The following PPARGC1A variants were observed in gnomAD, a reference collection of about 807,000 sequenced individuals.
PPARGC1A encodes the protein peroxisome proliferator-activated receptor gamma coactivator 1-alpha.
In PPARGC1A, 25 loss-of-function variants were observed where a neutral mutation model predicts 88.7. That is an observed-to-expected ratio of 0.28 (90% CI 0.21 to 0.39). The LOEUF (loss-of-function observed/expected upper bound fraction) is 0.39. Ranked by LOEUF, PPARGC1A falls within the 10% of genes least tolerant of loss-of-function variation. The pLI is 1.00. For synonymous variants in PPARGC1A, 363 were observed against 355.6 expected (o/e 1.02, Z -0.24); for missense variants, 880 against 968.7 (o/e 0.91, Z 1.22).
the PPARGC1A span, among the ~76,000 whole-genome samples, chr4:23,919,722 C>A: frequency 6.6e-6 from 1 of 151,918 alleles, no homozygotes; most frequent in Admixed American, 6.6e-5. Context: ...ATGGCCCTTA[C>A]ACTAATTGGT....
chr4:24,010,151 A>C, the PPARGC1A span, among the ~76,000 whole-genome samples: 3 of 152,192 alleles, frequency 2.0e-5, no homozygotes, highest in Non-Finnish European at 4.4e-5. Flanking sequence ...CTGTGTTCTT[A>C]GGCAAGTCCT....
chr4:24,082,314 C>T, the PPARGC1A span, among the ~76,000 whole-genome samples: 2 of 152,124 alleles, frequency 1.3e-5, no homozygotes, highest in African/African-American at 2.4e-5. Context: ...GGAAGGATGA[C>T]CTATTTTACA....
At chr4:23,956,857 CAA>C in the PPARGC1A span, among the ~76,000 whole-genome samples, 1 of 152,100 alleles carries the variant, frequency 6.6e-6, no homozygotes, top group African/African-American at 2.4e-5. Context: ...ACCATAGCCA[CAA>C]AGTCTTGTTA....
chr4:24,079,877 T>C, the PPARGC1A span, among the ~76,000 whole-genome samples: 1 of 152,048 alleles, frequency 6.6e-6, no homozygotes, highest in South Asian at 2.1e-4. Flanking sequence ...CAATAGTCTG[T>C]CTCTTGGCTC....
the PPARGC1A span, among the ~76,000 whole-genome samples, chr4:24,035,187 C>T: frequency 6.6e-6 from 1 of 152,058 alleles, no homozygotes; most frequent in Non-Finnish European, 1.5e-5. Context: ...GTGTTTATAG[C>T]CCATAAATTA....
the PPARGC1A span, among the ~76,000 whole-genome samples, chr4:24,252,609 T>C: frequency 1.3e-5 from 2 of 152,256 alleles, no homozygotes; most frequent in Non-Finnish European, 2.9e-5. Flanking sequence ...AAGCACATCA[T>C]TTCAGAGCTA....
the PPARGC1A span, among the ~76,000 whole-genome samples, chr4:24,460,307 C>T: frequency 6.6e-6 from 1 of 152,172 alleles, no homozygotes; most frequent in Non-Finnish European, 1.5e-5. Context: ...CTTCTCTTTT[C>T]AGCCGGCGAA....
chr4:24,434,052 C>T, the PPARGC1A span, among the ~76,000 whole-genome samples: 1 of 152,284 alleles, frequency 6.6e-6, no homozygotes, highest in African/African-American at 2.4e-5. Context: ...CCACGTTGCC[C>T]TGAATTCTTT....
the PPARGC1A span, among the ~76,000 whole-genome samples, chr4:23,918,558 T>G: frequency 4.5e-4 from 68 of 152,238 alleles, no homozygotes; most frequent in South Asian, 0.013. Context: ...ACATAAACAT[T>G]TTGGGTCTCT....
the PPARGC1A span, among the ~76,000 whole-genome samples, chr4:24,139,283 G>A: frequency 6.6e-6 from 1 of 151,990 alleles, no homozygotes; most frequent in Non-Finnish European, 1.5e-5. Flanking sequence ...ACAGGCACCT[G>A]CCACACGCCC....
At chr4:24,437,619 T>TTGC in the PPARGC1A span, among the ~76,000 whole-genome samples, 1 of 151,894 alleles carries the variant, frequency 6.6e-6, no homozygotes, top group South Asian at 2.1e-4. Flanking sequence ...GTTGTTGTTG[T>TTGC]TGTTGTTGTT....
chr4:24,136,729 G>A, the PPARGC1A span, among the ~76,000 whole-genome samples: 1 of 152,236 alleles, frequency 6.6e-6, no homozygotes. Context: ...GTCATGAACT[G>A]AACTGTGTCC....
chr4:24,286,347 C>G, the PPARGC1A span, among the ~76,000 whole-genome samples: 2 of 152,150 alleles, frequency 1.3e-5, no homozygotes, highest in African/African-American at 4.8e-5. Context: ...CAACCACTTC[C>G]CATGATAGGG....
At chr4:24,359,749 C>T in the PPARGC1A span, among the ~76,000 whole-genome samples, 11 of 152,138 alleles carry the variant, frequency 7.2e-5, no homozygotes, top group African/African-American at 2.7e-4. Context: ...TGGAAGGATT[C>T]TTCTACAAGC....
At chr4:23,885,697 G>A (rs1329391767) in intron 1 of PPARGC1A, among the ~76,000 whole-genome samples, 1 of 151,936 alleles carries the variant, frequency 6.6e-6, no homozygotes, top group East Asian at 1.9e-4. Flanking sequence ...TGTACGGTTG[G>A]AATCACCTAG....
the PPARGC1A span, among the ~76,000 whole-genome samples, chr4:24,248,126 T>C: frequency 6.6e-6 from 1 of 152,102 alleles, no homozygotes; most frequent in South Asian, 2.1e-4. Context: ...TTCTCTTTTT[T>C]CTTTTTTCTT....
At chr4:24,194,696 CT>C in the PPARGC1A span, among the ~76,000 whole-genome samples, 3 of 151,444 alleles carry the variant, frequency 2.0e-5, no homozygotes, top group Admixed American at 2.0e-4. Flanking sequence ...CTCAATTTGC[CT>C]CTTCAAATGT....
the PPARGC1A span, among the ~76,000 whole-genome samples, chr4:24,333,940 C>CAAAAAAAAAA: frequency 2.2e-4 from 3 of 13,828 alleles, no homozygotes; most frequent in African/African-American, 5.8e-4. Context: ...ACAACAACAA[C>CAAAAAAAAAA]AAAAAAAAAA....
the PPARGC1A span, among the ~76,000 whole-genome samples, chr4:24,208,921 G>T: frequency 1.3e-5 from 2 of 152,022 alleles, no homozygotes; most frequent in Admixed American, 6.6e-5. Flanking sequence ...TGCTTAGAGA[G>T]GTAGAGGGAA....
Sources: gnomAD v4.1 joint callset for allele counts (sites outside exome capture counted in the v4.1 genomes callset) on GRCh38, gnomAD v4.1.1 for gene constraint, MANE v1.5 for transcripts, NCBI Gene and HGNC (gene_info 2026-07-23, HGNC 2026-07-21) for gene names.